RASA3: variants seen among roughly 807,000 people sequenced by gnomAD.
RASA3 encodes RAS p21 protein activator 3.
Under a neutral mutation model 110.0 loss-of-function variants are expected in RASA3, and 73 were observed. That is an observed-to-expected ratio of 0.66 (90% CI 0.55 to 0.81). The LOEUF (loss-of-function observed/expected upper bound fraction) is 0.81. Ranked by LOEUF, RASA3 falls within the 30% of genes least tolerant of loss-of-function variation. The probability of loss-of-function intolerance (pLI) is 0.00; values close to 1 mark genes in which losing one functional copy is unlikely to be tolerated. For missense variants in RASA3, 976 were observed against 1,113.2 expected (o/e 0.88, Z 1.75); for synonymous variants, 500 against 451.4 (o/e 1.11, Z -1.37).
chr13:114,028,355 C>T (rs543035022), intron 5 of RASA3, among the ~76,000 whole-genome samples: 26 of 144,020 alleles, frequency 1.8e-4, no homozygotes, highest in African/African-American at 5.5e-4. Flanking sequence ...ACCCCTAAAA[C>T]AGTGTCATCC....
At chr13:114,000,701 G>T in intron 19 of RASA3, 125 bp downstream of exon 19, 2 of 725,914 alleles carry the variant, frequency 2.8e-6, no homozygotes, top group Non-Finnish European at 4.8e-6. Context: ...GGGTCACCGC[G>T]GCCCCGGGCT....
In RASA3 at chr13:114,105,885, G is replaced by A. The variant is rs1159983870; in HGVS notation, c.55+26550C>T. Among the ~76,000 whole-genome samples, 3 of 152,216 alleles carry A rather than the reference G, an allele frequency of 2.0e-5. No individual in the cohort carries two copies. The East Asian group carries it at 5.8e-4, about 29-fold the overall frequency. ...AACTATTACGGTAAGCTACACAGTG[G>A]GGGAATCAGCGTGGGGGAAAGGAAG... is the stretch of plus-strand genomic sequence containing the variant. On this transcript the variant is annotated intron_variant, in intron 1 of 23. Coordinates refer to ENST00000334062, the MANE Select transcript of RASA3 (RefSeq NM_007368.4).
chr13:114,012,114 G>T (rs1267141388), intron 15 of RASA3, among the ~76,000 whole-genome samples: 2 of 151,986 alleles, frequency 1.3e-5, no homozygotes, highest in East Asian at 3.9e-4. Context: ...TCAATACACG[G>T]ATGATACGCC....
rs1215981722 is a variant in RASA3, at chr13:114,113,985, T to A, written c.55+18450A>T. Among the ~76,000 whole-genome samples, 6 of 133,922 alleles carry A rather than the reference T, an allele frequency of 4.5e-5. No individual in the cohort carries two copies. The East Asian group carries it at 1.1e-3, about 25-fold the overall frequency. 87.9% of individuals were successfully genotyped at this position (133,922 alleles called of 152,430 possible). Reference sequence around the variant, plus strand: ...TCAGTCCACCCACCATGGCGAGTGATGTCCGTACAGCTCACACCGCGTCCA... The same window carrying A: ...TCAGTCCACCCACCATGGCGAGTGAAGTCCGTACAGCTCACACCGCGTCCA... On this transcript the variant is annotated intron_variant, in intron 1 of 23. Transcript: ENST00000334062.
Position 114,014,662 on chromosome 13 carries a change from GC to G in RASA3, c.1405+546del, listed in dbSNP as rs2053749359. ...CAAGGTTGAGAAGTGGGGTTTGGGT[GC>G]TGGATGCCCAGGTCCCTAGGGGATC... On this transcript the variant is annotated intron_variant, in intron 14 of 23. Transcript: ENST00000334062. This position sits in a 1 kb window ranked among gnomAD's most constrained non-coding sequence, Gnocchi z 4.5. Among the ~76,000 whole-genome samples, 1 of 152,160 alleles carries G rather than the reference GC, an allele frequency of 6.6e-6. No homozygotes were observed. Among genetic ancestry groups the G allele is most frequent in the Admixed American group, 6.5e-5 (1 of 15,286 alleles).
At chr13:114,012,525 T>C (rs1466138017) in intron 15 of RASA3, among the ~76,000 whole-genome samples, 1 of 117,020 alleles carries the variant, frequency 8.5e-6, no homozygotes, top group Admixed American at 8.7e-5. Context: ...CCCCACGCAT[T>C]CCACACACAC....
At chr13:114,097,880 C>T (rs1368581094) in intron 1 of RASA3, among the ~76,000 whole-genome samples, 1 of 152,232 alleles carries the variant, frequency 6.6e-6, no homozygotes, top group African/African-American at 2.4e-5. Context: ...GGTCTTGTCT[C>T]ATTCGTGACC....
chr13:114,032,212 G>A (rs918529671), intron 4 of RASA3, among the ~76,000 whole-genome samples: 1 of 152,008 alleles, frequency 6.6e-6, no homozygotes, highest in Non-Finnish European at 1.5e-5. Context: ...GGGATCACAG[G>A]CCCGAACCCT....
chr13:114,132,564 G>C lies in RASA3; in HGVS notation c.-75C>G, dbSNP rs867952024. On this transcript the variant is annotated 5_prime_UTR_variant, in exon 1 of 24. Transcript: ENST00000334062. ...GGGCAGCTCAGGCCGAGCAGGAGGA[G>C]CGGCGGCGCCGGAGCCCCGAGCGCG... The C allele has an allele frequency of 1.0e-4, 126 of 1,214,756 alleles. 3 individuals are homozygous for C. The South Asian group carries it at 3.9e-3, about 38-fold the overall frequency. The allele number at this position is 1,214,756 out of a possible 1,614,324, so 75.2% of individuals were successfully genotyped here.
intron 23 of RASA3, among the ~76,000 whole-genome samples, chr13:113,980,817 C>CAT (rs2052916769): frequency 6.6e-6 from 1 of 151,888 alleles, no homozygotes; most frequent in African/African-American, 2.4e-5. Context: ...ACCAGACCCG[C>CAT]ATGGTGGAAG....
intron 18 of RASA3, among the ~76,000 whole-genome samples, chr13:114,002,908 G>A (rs1364516536): frequency 6.6e-6 from 1 of 152,242 alleles, no homozygotes; most frequent in Non-Finnish European, 1.5e-5. Context: ...GCAAACACAC[G>A]CTGCGCTGCA....
intron 1 of RASA3, among the ~76,000 whole-genome samples, chr13:114,083,050 A>G (rs1465359169): frequency 6.6e-6 from 1 of 152,254 alleles, no homozygotes; most frequent in East Asian, 1.9e-4. Flanking sequence ...TGAGTGTGAT[A>G]TGTGTCGACC....
intron 3 of RASA3, among the ~76,000 whole-genome samples, chr13:114,043,837 G>GCCCCCCCCCCCCCCCCCCCCCCCT (rs544129523): frequency 2.6e-4 from 6 of 22,826 alleles, no homozygotes; most frequent in African/African-American, 6.9e-4. Flanking sequence ...CACTCGCTGA[G>GCCCCCCCCCCCCCCCCCCCCCCCT]CCCCCCGCCC....
At chr13:114,041,270 G>C (rs1048998185) in intron 3 of RASA3, among the ~76,000 whole-genome samples, 176 bp from the exon 4 acceptor site, 2 of 152,266 alleles carry the variant, frequency 1.3e-5, no homozygotes, top group African/African-American at 4.8e-5. Flanking sequence ...AGGCCCAGGG[G>C]GGAGGGTCGC....
chr13:114,079,062 C>G (rs950092191), intron 1 of RASA3, among the ~76,000 whole-genome samples: 1 of 152,242 alleles, frequency 6.6e-6, no homozygotes. Context: ...AGCAGCTCAG[C>G]TCAGCGCCCA....
At chr13:114,074,799 G>C (rs1219110172) in intron 1 of RASA3, among the ~76,000 whole-genome samples, 1 of 152,204 alleles carries the variant, frequency 6.6e-6, no homozygotes, top group Non-Finnish European at 1.5e-5. Context: ...TGTTTGCCAG[G>C]GGTCAGTCTG....
chr13:114,070,939 C>T (rs985213550), intron 2 of RASA3, among the ~76,000 whole-genome samples: 7 of 117,520 alleles, frequency 6.0e-5, no homozygotes, highest in Non-Finnish European at 1.2e-4. Context: ...CCGGCGTCCA[C>T]GCTAAACGGC....
At chr13:114,042,801 A>C (rs2054441732) in intron 3 of RASA3, among the ~76,000 whole-genome samples, 1 of 152,228 alleles carries the variant, frequency 6.6e-6, no homozygotes, top group Non-Finnish European at 1.5e-5. Flanking sequence ...GTCCAGCCTC[A>C]GTAAATTCGG....
intron 1 of RASA3, among the ~76,000 whole-genome samples, chr13:114,100,139 T>C (rs1321185158): frequency 6.6e-6 from 1 of 151,072 alleles, no homozygotes; most frequent in Admixed American, 6.6e-5. Context: ...TTCCAAACTC[T>C]GCGCAATAGG....
Sources: gnomAD v4.1 joint callset for allele counts (sites outside exome capture counted in the v4.1 genomes callset) on GRCh38, gnomAD v4.1.1 for gene constraint, Gnocchi (gnomAD v3.1) non-coding constraint, MANE v1.5 for transcripts, NCBI Gene and HGNC (gene_info 2026-07-23, HGNC 2026-07-21) for gene names.